ARRB2: variants seen among roughly 807,000 people sequenced by gnomAD.
ARRB2 encodes arrestin beta 2, also known as beta-arrestin-2.
In ARRB2, 21 loss-of-function variants were observed where a neutral mutation model predicts 53.4. The observed-to-expected ratio is 0.39, with a 90% CI of 0.28 to 0.57. The LOEUF (loss-of-function observed/expected upper bound fraction) is 0.57. Among genes scored for constraint, ARRB2 ranks in the 20% least tolerant of loss-of-function variants. The probability of loss-of-function intolerance (pLI) is 0.55; values close to 1 mark genes in which losing one functional copy is unlikely to be tolerated. For synonymous variants in ARRB2, 180 were observed against 212.9 expected, an observed-to-expected ratio of 0.85 and a Z score of 1.34; for missense variants, 369 against 527.5, an observed-to-expected ratio of 0.70 and a Z score of 2.94.
Position 4,718,566 on chromosome 17 carries a change from G to A in ARRB2, c.707-46G>A. On this transcript the variant is annotated intron_variant, in intron 9 of 14. Transcript: ENST00000269260. The stretch of plus-strand genomic sequence containing the variant: ...GGGTCTGGAGTTGTGGTGTGGTGGT[G>A]GCTTGTGCTCCATCCAGAGCTGCCT... 5 of 1,589,518 alleles carry A rather than the reference G, an allele frequency of 3.1e-6. No homozygotes were observed. In the Admixed American group the frequency reaches 8.5e-5, roughly 27 times the overall value.
At chr17:4,715,785 G>C (rs555135364) in intron 2 of ARRB2, 188 bp from the exon 3 acceptor site, 10 of 634,820 alleles carry the variant, frequency 1.6e-5, no homozygotes, top group African/African-American at 1.8e-5. Context: ...CAGCTCAAAA[G>C]CCTAAAGGTC....
intron 9 of ARRB2, 94 bp downstream of exon 9, chr17:4,718,439 G>T: frequency 7.1e-7 from 1 of 1,414,758 alleles, no homozygotes; most frequent in Non-Finnish European, 9.9e-7. Flanking sequence ...TTCCCAGTGC[G>T]GGAGACCCAC....
At chr17:4,712,807 T>C (rs1914550016) in intron 1 of ARRB2, among the ~76,000 whole-genome samples, 1 of 152,176 alleles carries the variant, frequency 6.6e-6, no homozygotes, top group Non-Finnish European at 1.5e-5. Context: ...AGACAGATAG[T>C]GTAATATTGA....
chr17:4,720,784 C>T (rs893501388), intron 14 of ARRB2, 144 bp downstream of exon 14: 5 of 1,035,208 alleles, frequency 4.8e-6, no homozygotes, highest in Non-Finnish European at 7.1e-6. Flanking sequence ...TGTGAGGCTG[C>T]CTCTTGCTGC....
intron 9 of ARRB2, 77 bp downstream of exon 9, chr17:4,718,422 A>C: frequency 1.3e-6 from 2 of 1,504,400 alleles, no homozygotes; most frequent in South Asian, 2.3e-5. Flanking sequence ...ATCTCAGCCC[A>C]GGCCATTTCC....
intron 11 of ARRB2, among the ~76,000 whole-genome samples, chr17:4,719,743 ACT>A (rs1268525915): frequency 6.6e-6 from 1 of 151,872 alleles, no homozygotes; most frequent in Non-Finnish European, 1.5e-5. Context: ...GAAAACAAAG[ACT>A]CAGAGGTGGG....
intron 11 of ARRB2, among the ~76,000 whole-genome samples, chr17:4,719,856 C>A (rs759416174): frequency 1.3e-5 from 2 of 152,226 alleles, no homozygotes; most frequent in South Asian, 4.1e-4. Flanking sequence ...TTTCACCTCT[C>A]CGGATGCCTT....
In ARRB2 at chr17:4,720,234, C is replaced by A. The variant is rs1394557442; in HGVS notation, c.936C>A (p.Asn312Lys). Residue 312 changes from asparagine (N) to lysine (K), a missense_variant, in exon 12 of 15, where the codon AAC becomes AAA. Asn to Lys is a moderately conservative substitution (Grantham distance 94). Coordinates refer to ENST00000269260, the MANE Select transcript of ARRB2 (RefSeq NM_004313.4). The part of the protein sequence containing the change: ...ASSTIVKEGA[N>K]KEVLGILVSY... ...ATTGCAGCGTGAAGGAGGGTGCCAACAAGGAGGTGCTGGGAATCCTGGTGT... is the reference window on the plus strand; with the variant it reads ...ATTGCAGCGTGAAGGAGGGTGCCAAAAAGGAGGTGCTGGGAATCCTGGTGT... 5 of 1,613,572 alleles carry A rather than the reference C, an allele frequency of 3.1e-6. No individual in the cohort carries two copies. The highest frequency in any genetic ancestry group is 4.2e-6 in the Non-Finnish European group (5 of 1,179,794).
At chr17:4,718,505 C>T in intron 9 of ARRB2, 107 bp from the exon 10 acceptor site, 3 of 1,291,090 alleles carry the variant, frequency 2.3e-6, no homozygotes, top group Non-Finnish European at 2.2e-6. Context: ...TCGGTGTTTA[C>T]TGCTTCAGTG....
chr17:4,720,937 A>G lies in ARRB2; in HGVS notation c.1137-9A>G. 1 of 1,613,732 alleles carries G rather than the reference A, an allele frequency of 6.2e-7. No homozygotes were observed. The highest frequency in any genetic ancestry group is 1.1e-5 in the South Asian group (1 of 91,058). On this transcript the variant is annotated splice_polypyrimidine_tract_variant and intron_variant, in intron 14 of 14. Coordinates refer to ENST00000269260, the MANE Select transcript of ARRB2 (RefSeq NM_004313.4). The stretch of plus-strand genomic sequence containing the variant: ...CCCTCACCTCACAACCCTCTTTCCC[A>G]CCACCAAGCTATGCCACAGATGATG...
At position 4,720,450 on chromosome 17, in the gene ARRB2, C is replaced by G; in HGVS notation, c.1059C>G (p.Ile353Met). The G allele has an allele frequency of 6.2e-7, 1 of 1,613,294 alleles. No homozygotes were observed. The highest frequency in any genetic ancestry group is 8.5e-7 in the Non-Finnish European group (1 of 1,179,546). Reference protein sequence around the residue: ...VLMHPKPHDHIPLPRPQSAAP... With the variant: ...VLMHPKPHDHMPLPRPQSAAP... ...TGCACCCCAAGCCCCACGACCACAT[C>G]CCCCTCCCCAGACCCCAGTCAGGTG... is the stretch of plus-strand genomic sequence containing the variant. The change falls in exon 13 of 15, where the codon ATC (isoleucine) becomes ATG (methionine). Residue 353 changes from isoleucine to methionine, a missense_variant. Physicochemically the swap from Ile to Met is conservative, Grantham distance 10 (BLOSUM62 1). Coordinates refer to ENST00000269260, the MANE Select transcript of ARRB2 (RefSeq NM_004313.4).
chr17:4,717,501 C>A lies in ARRB2; in HGVS notation c.418-184C>A. 1.1e-6 allele frequency: 1 copy of A among 916,838 alleles called. No individual in the cohort carries two copies. Among genetic ancestry groups the A allele is most frequent in the African/African-American group, 1.7e-5 (1 of 60,598 alleles). The allele number at this position is 916,838 out of a possible 1,614,324, so 56.8% of individuals were successfully genotyped here. A position where few individuals can be genotyped will look rare whatever the true frequency, so the allele number is the denominator to read the frequency against. On this transcript the variant is annotated intron_variant, in intron 6 of 14. Transcript: ENST00000269260. The surrounding 1 kb of genome is among the most constrained non-coding windows in gnomAD (Gnocchi z 6.0). ...GATCTGGGGATGGGGGCTCCCCTTGCACTACCATGACCAAGCCTCTGCCAG... is the reference window on the plus strand; with the variant it reads ...GATCTGGGGATGGGGGCTCCCCTTGAACTACCATGACCAAGCCTCTGCCAG...
At chr17:4,714,879 G>A in intron 1 of ARRB2, 134 bp from the exon 2 acceptor site, 1 of 871,510 alleles carries the variant, frequency 1.1e-6, no homozygotes, top group East Asian at 2.9e-5. Flanking sequence ...GGGCAGAGCT[G>A]GGCAAAGCCC....
Position 4,717,459 on chromosome 17 carries a change from C to T in ARRB2, c.417+183C>T. ...TGTGCACGCATGACACTGCCTCCTG[C>T]TCTGTGGACCCGCATGGATCTGGGG... On this transcript the variant is annotated intron_variant, in intron 6 of 14. Coordinates refer to ENST00000269260, the MANE Select transcript of ARRB2 (RefSeq NM_004313.4). The surrounding 1 kb of genome is among the most constrained non-coding windows in gnomAD (Gnocchi z 6.0). The T allele has an allele frequency of 1.1e-6, 1 of 872,052 alleles. No individual in the cohort carries two copies. The allele number at this position is 872,052 out of a possible 1,614,324, so 54.0% of individuals were successfully genotyped here. A position where few individuals can be genotyped will look rare whatever the true frequency, so the allele number is the denominator to read the frequency against.
At chr17:4,714,923 G>C in intron 1 of ARRB2, 90 bp from the exon 2 acceptor site, 1 of 1,403,094 alleles carries the variant, frequency 7.1e-7, no homozygotes, top group Non-Finnish European at 9.8e-7. Flanking sequence ...GGTGAGCACT[G>C]CTTCTCAGGC....
At chr17:4,719,213 G>C in intron 10 of ARRB2, 70 bp from the exon 11 acceptor site, 1 of 1,547,872 alleles carries the variant, frequency 6.5e-7, no homozygotes, top group Non-Finnish European at 8.8e-7. Flanking sequence ...GATGCTGCTT[G>C]GGGGTCATAG....
In ARRB2 at chr17:4,721,130, C is replaced by T. The variant is rs1915656514; in HGVS notation, c.*91C>T. ...CTGTCAATGGGGGATTGTCCCAGCC[C>T]CTCTTCCCTTCCCCTCACCTGGAAG... On this transcript the variant is annotated 3_prime_UTR_variant, in exon 15 of 15. Transcript: ENST00000269260. The surrounding 1 kb of genome is among the most constrained non-coding windows in gnomAD (Gnocchi z 4.2). The T allele has an allele frequency of 7.5e-7, 1 of 1,330,514 alleles. No homozygotes were observed. The highest frequency in any genetic ancestry group is 1.1e-6 in the Non-Finnish European group (1 of 942,020). The allele number at this position is 1,330,514 out of a possible 1,614,324, so 82.4% of individuals were successfully genotyped here. A position where few individuals can be genotyped will look rare whatever the true frequency, so the allele number is the denominator to read the frequency against.
At chr17:4,714,629 C>T (rs1047975264) in intron 1 of ARRB2, 7 of 173,038 alleles carry the variant, frequency 4.0e-5, no homozygotes, top group Non-Finnish European at 6.9e-5. Flanking sequence ...CTTGCCACCA[C>T]GTTAGAAATA....
chr17:4,715,245 G>T (rs1914824439), intron 2 of ARRB2: 3 of 635,620 alleles, frequency 4.7e-6, no homozygotes, highest in Non-Finnish European at 7.9e-6. Context: ...CACAGGGCTG[G>T]GTGGGGCAGG....
Sources: allele counts gnomAD v4.1 joint callset (sites outside exome capture counted in the v4.1 genomes callset), GRCh38; gene constraint gnomAD v4.1.1; non-coding constraint Gnocchi (gnomAD v3.1); transcripts MANE v1.5; gene names NCBI Gene and HGNC (gene_info 2026-07-23, HGNC 2026-07-21).